The following UGGT2 variants were observed in gnomAD, a reference collection of about 807,000 sequenced individuals.
The protein encoded by UGGT2 is UDP-glucose:glycoprotein glucosyltransferase 2.
A neutral mutation model predicts 192.1 loss-of-function variants in UGGT2; 180 were observed. That is an observed-to-expected ratio of 0.94 (90% CI 0.83 to 1.06). The LOEUF is 1.06. Ranked by LOEUF, UGGT2 falls within the 50% of genes least tolerant of loss-of-function variation. The pLI, the probability that UGGT2 is intolerant of heterozygous loss-of-function variation, is 0.00. For missense variants in UGGT2, 1,849 were observed against 1,795.7 expected, an observed-to-expected ratio of 1.03 and a Z score of -0.54; for synonymous variants, 580 against 591.0, an observed-to-expected ratio of 0.98 and a Z score of 0.27.
chr13:95,972,136 A>T (rs922806175), intron 11 of UGGT2, among the ~76,000 whole-genome samples: 13 of 141,772 alleles, frequency 9.2e-5, no homozygotes, highest in South Asian at 2.2e-4. Flanking sequence ...ATTTTGAAGA[A>T]TTTTTTTTTT....
intron 36 of UGGT2, among the ~76,000 whole-genome samples, chr13:95,842,903 G>A (rs1888016311): frequency 6.6e-6 from 1 of 152,208 alleles, no homozygotes. Flanking sequence ...TTGCAGTCTT[G>A]AGAGATACAA....
chr13:95,991,267 A>G (rs2140900762), intron 7 of UGGT2: 1 of 269,418 alleles, frequency 3.7e-6, no homozygotes, highest in South Asian at 3.9e-5. Flanking sequence ...GTCAAATGGT[A>G]TTTCTGGTTC....
At chr13:96,052,808 A>T (rs1477693347) in intron 1 of UGGT2, among the ~76,000 whole-genome samples, 1 of 152,234 alleles carries the variant, frequency 6.6e-6, no homozygotes, top group Non-Finnish European at 1.5e-5. Flanking sequence ...GAAACTAGGT[A>T]CTTTAAGCAC....
intron 36 of UGGT2, among the ~76,000 whole-genome samples, chr13:95,843,666 T>A (rs545048843): frequency 1.4e-4 from 22 of 152,198 alleles, no homozygotes; most frequent in African/African-American, 5.3e-4. Flanking sequence ...TAGAGGTTTT[T>A]GGGGTTTTTT....
chr13:95,897,508 A>G (rs1028353306), intron 22 of UGGT2, among the ~76,000 whole-genome samples: 3 of 152,178 alleles, frequency 2.0e-5, no homozygotes, highest in Non-Finnish European at 4.4e-5. Flanking sequence ...GATCATTTAT[A>G]AACAATTTTA....
At chr13:95,946,032 C>A (rs1233325905) in intron 15 of UGGT2, among the ~76,000 whole-genome samples, 1 of 148,972 alleles carries the variant, frequency 6.7e-6, no homozygotes, top group African/African-American at 2.4e-5. Context: ...AAAAAAACTT[C>A]TATTTTATAA....
chr13:95,983,931 A>C, intron 9 of UGGT2, 67 bp from the exon 10 acceptor site: 1 of 1,014,604 alleles, frequency 9.9e-7, no homozygotes, highest in African/African-American at 1.7e-5. Context: ...ATATAACCCA[A>C]TGTAATCTAA....
chr13:95,932,351 G>GTGTGTGTGTA (rs1566720168), intron 17 of UGGT2, among the ~76,000 whole-genome samples: 1 of 146,392 alleles, frequency 6.8e-6, no homozygotes, highest in African/African-American at 2.5e-5. Context: ...GTGTGTGTGT[G>GTGTGTGTGTA]TATGGCTATT....
intron 20 of UGGT2, among the ~76,000 whole-genome samples, chr13:95,917,599 T>C (rs2048719475): frequency 6.6e-6 from 1 of 152,052 alleles, no homozygotes; most frequent in African/African-American, 2.4e-5. Flanking sequence ...AATGCCCCAA[T>C]TAAAAGACAA....
At chr13:95,832,159 T>C (rs1375067721) in intron 38 of UGGT2, among the ~76,000 whole-genome samples, 3 of 152,008 alleles carry the variant, frequency 2.0e-5, no homozygotes, top group Non-Finnish European at 4.4e-5. Flanking sequence ...GAGAACTGTA[T>C]TCTGAACCAC....
intron 36 of UGGT2, among the ~76,000 whole-genome samples, chr13:95,848,631 T>G (rs950407471): frequency 6.6e-6 from 1 of 152,222 alleles, no homozygotes; most frequent in African/African-American, 2.4e-5. Flanking sequence ...TATTGTTCCA[T>G]TGATCTATTT....
At position 95,927,055 on chromosome 13, in the gene UGGT2, T is replaced by C. The variant is rs199749794; in HGVS notation, c.2173A>G (p.Lys725Glu). 2 of 1,610,316 alleles carry C rather than the reference T, an allele frequency of 1.2e-6. No individual in the cohort carries two copies. The highest frequency in any genetic ancestry group is 1.7e-6 in the Non-Finnish European group (2 of 1,178,910). ...DSQDKSAVIA[K>E]NMYYLTQDDE... ...TCTTGGGTTAAATAATACATGTTCT[T>C]TGCAATTACAGCACTCTTATCTTGT... The change falls in exon 19 of 39, where the codon AAG becomes GAG. Residue 725 changes from lysine (K) to glutamate (E), a missense_variant. Transcript: ENST00000376747.
At chr13:95,822,586 G>T (rs768373379) in intron 38 of UGGT2, among the ~76,000 whole-genome samples, 2 of 151,734 alleles carry the variant, frequency 1.3e-5, no homozygotes, top group Non-Finnish European at 2.9e-5. Context: ...TATGCTAATA[G>T]TTCGTACATG....
chr13:95,971,609 T>C (rs909267494), intron 11 of UGGT2, among the ~76,000 whole-genome samples: 7 of 152,238 alleles, frequency 4.6e-5, no homozygotes, highest in Admixed American at 3.9e-4. Context: ...ACCATTTCAC[T>C]ACTTCCTTTA....
intron 34 of UGGT2, among the ~76,000 whole-genome samples, chr13:95,855,435 A>C (rs1292896712): frequency 3.3e-5 from 5 of 150,696 alleles, no homozygotes; most frequent in Non-Finnish European, 5.9e-5. Context: ...CAATGCAAGG[A>C]GGGAAAAAGG....
intron 26 of UGGT2, among the ~76,000 whole-genome samples, chr13:95,886,652 A>G (rs2047654622): frequency 6.6e-6 from 1 of 152,238 alleles, no homozygotes; most frequent in East Asian, 1.9e-4. Flanking sequence ...TATGGACAAG[A>G]GTCTTGAGGG....
chr13:95,963,044 T>G (rs2050451025), intron 12 of UGGT2, among the ~76,000 whole-genome samples: 1 of 152,146 alleles, frequency 6.6e-6, no homozygotes, highest in Non-Finnish European at 1.5e-5. Context: ...CCCCCATGAT[T>G]CAATTACCTC....
chr13:95,910,255 T>C (rs1227526762), intron 20 of UGGT2, among the ~76,000 whole-genome samples: 1 of 152,140 alleles, frequency 6.6e-6, no homozygotes, highest in African/African-American at 2.4e-5. Context: ...TAACCTGAAA[T>C]TTAAATGGGC....
intron 25 of UGGT2, among the ~76,000 whole-genome samples, chr13:95,889,772 A>G (rs2047747995): frequency 6.6e-6 from 1 of 152,216 alleles, no homozygotes; most frequent in African/African-American, 2.4e-5. Flanking sequence ...AGGTTAATGC[A>G]GGACTTGTGG....
Sources: allele counts gnomAD v4.1 joint callset (sites outside exome capture counted in the v4.1 genomes callset), GRCh38; gene constraint gnomAD v4.1.1; transcripts MANE v1.5; gene names NCBI Gene and HGNC (gene_info 2026-07-23, HGNC 2026-07-21).